VAMP4: variants seen among roughly 807,000 people sequenced by gnomAD.
VAMP4 encodes vesicle associated membrane protein 4.
A neutral mutation model predicts 23.5 loss-of-function variants in VAMP4; 19 were observed. The observed-to-expected ratio is 0.81, with a 90% CI of 0.56 to 1.19. VAMP4 has a LOEUF of 1.19. Among genes scored for constraint, VAMP4 ranks in the 50% most tolerant of loss-of-function variants. The pLI is 0.00. For synonymous variants in VAMP4, 31 were observed against 51.0 expected, an observed-to-expected ratio of 0.61 and a Z score of 1.67; for missense variants, 145 against 168.6, an observed-to-expected ratio of 0.86 and a Z score of 0.78.
At chr1:171,710,136 G>A (rs1162209805) in intron 5 of VAMP4, among the ~76,000 whole-genome samples, 1 of 150,816 alleles carries the variant, frequency 6.6e-6, no homozygotes, top group African/African-American at 2.4e-5. Flanking sequence ...GATATCAAAA[G>A]TGACTGATTT....
In VAMP4 at chr1:171,736,542, AG is replaced by A. The variant is rs556770397; in HGVS notation, c.66+1806del. ...TAAGCAGTTGAAATTATGGCAAAGAAGGAGTAACTGGATTTGGCAACATGGA... is the reference window on the plus strand; with the variant it reads ...TAAGCAGTTGAAATTATGGCAAAGAAGAGTAACTGGATTTGGCAACATGGA... On this transcript the variant is annotated intron_variant, in intron 2 of 7. Transcript: ENST00000236192. Among the ~76,000 whole-genome samples the A allele has an allele frequency of 4.3e-4, 66 of 152,372 alleles. No homozygotes were observed. In the Middle Eastern group the frequency reaches 0.017, roughly 39 times the overall value.
At position 171,700,849 on chromosome 1, in the gene VAMP4, C is replaced by G. The variant is rs1394447730; in HGVS notation, c.*3657G>C. 6.6e-6 allele frequency: 1 copy of G among 152,122 alleles called. No individual in the cohort carries two copies. Among genetic ancestry groups the G allele is most frequent in the Non-Finnish European group, 1.5e-5 (1 of 68,036 alleles). The allele number at this position is 152,122 out of a possible 1,614,324, so 9.4% of individuals were successfully genotyped here. ...CTTACTTTAACAAGCTTACATTTAT[C>G]CCCTGTAATTGGGTTGGTCATGCTT... On this transcript the variant is annotated 3_prime_UTR_variant, in exon 8 of 8. Transcript: ENST00000236192.
intron 4 of VAMP4, among the ~76,000 whole-genome samples, chr1:171,713,771 T>C (rs756555356): frequency 6.6e-6 from 1 of 151,964 alleles, no homozygotes; most frequent in Non-Finnish European, 1.5e-5. Context: ...GAGGTTAAGG[T>C]GCAGTGAACT....
Position 171,732,360 on chromosome 1 carries a change from GAAA to G in VAMP4, c.67-3793_67-3791del, listed in dbSNP as rs532876540. The stretch of plus-strand genomic sequence containing the variant: ...ACATAGCAAGACCGTGTCTCTATGG[GAAA>G]AAAAAAAAAAAAAAAAAAATTTAAT... On this transcript the variant is annotated intron_variant, in intron 2 of 7. Coordinates refer to ENST00000236192, the MANE Select transcript of VAMP4 (RefSeq NM_003762.5). 1.4e-3 allele frequency among the ~76,000 whole-genome samples: 174 copies of G among 123,530 alleles called. 1 individual carries two copies. Among genetic ancestry groups the G allele is most frequent in the Middle Eastern group, 4.0e-3 (1 of 252 alleles). The allele number at this position is 123,530 out of a possible 152,430, so 81.0% of individuals were successfully genotyped here.
At chr1:171,734,127 G>C (rs1407108811) in intron 2 of VAMP4, among the ~76,000 whole-genome samples, 3 of 151,972 alleles carry the variant, frequency 2.0e-5, no homozygotes, top group Non-Finnish European at 4.4e-5. Flanking sequence ...AATTAGCTGG[G>C]CGTGGTGGTG....
At chr1:171,719,576 T>A (rs1271032132) in intron 3 of VAMP4, among the ~76,000 whole-genome samples, 1 of 152,118 alleles carries the variant, frequency 6.6e-6, no homozygotes, top group Non-Finnish European at 1.5e-5. Context: ...AATATTAATA[T>A]CTTTATGGTC....
intron 4 of VAMP4, among the ~76,000 whole-genome samples, chr1:171,712,894 A>C (rs1282491019): frequency 1.3e-5 from 2 of 152,248 alleles, no homozygotes; most frequent in Non-Finnish European, 2.9e-5. Context: ...AATGCACTGT[A>C]TTAACCTTAT....
chr1:171,725,131 T>C (rs1421871952), intron 3 of VAMP4, among the ~76,000 whole-genome samples: 1 of 152,196 alleles, frequency 6.6e-6, no homozygotes, highest in Non-Finnish European at 1.5e-5. Context: ...TTTGTGTTTC[T>C]ATGAAATTGA....
At chr1:171,738,556 A>T in intron 1 of VAMP4, 93 bp from the exon 2 acceptor site, 5 of 750,842 alleles carry the variant, frequency 6.7e-6, no homozygotes, top group Non-Finnish European at 1.1e-5. Flanking sequence ...TATGACAGGG[A>T]CTCCCTCATT....
Position 171,710,826 on chromosome 1 carries a change from A to G in VAMP4, c.165-12T>C, listed in dbSNP as rs762574879. ...CTTGATTCTGAACACTAGTTTAAAA[A>G]AGATACACAATTATTTATCCTTCTT... On this transcript the variant is annotated splice_polypyrimidine_tract_variant and intron_variant, in intron 4 of 7. Transcript: ENST00000236192. The G allele has an allele frequency of 1.9e-6, 3 of 1,553,536 alleles. No homozygotes were observed. The highest frequency in any genetic ancestry group is 2.6e-6 in the Non-Finnish European group (3 of 1,137,628).
intron 3 of VAMP4, among the ~76,000 whole-genome samples, chr1:171,727,440 C>G (rs1655411045): frequency 6.6e-6 from 1 of 151,986 alleles, no homozygotes; most frequent in Non-Finnish European, 1.5e-5. Flanking sequence ...ACTAGAATGG[C>G]TAGAATGAAA....
chr1:171,732,360 GAAAAAAAA>G (rs532876540), intron 2 of VAMP4, among the ~76,000 whole-genome samples: 1 of 123,548 alleles, frequency 8.1e-6, no homozygotes, highest in African/African-American at 3.0e-5. Context: ...GTCTCTATGG[GAAAAAAAA>G]AAAAAAAAAA....
At chr1:171,738,598 T>TTCCA in intron 1 of VAMP4, 135 bp from the exon 2 acceptor site, 1 of 594,904 alleles carries the variant, frequency 1.7e-6, no homozygotes, top group Non-Finnish European at 2.9e-6. Flanking sequence ...CTCTCACTTG[T>TTCCA]TCCACTCCAG....
At chr1:171,719,265 T>C (rs1181874867) in intron 3 of VAMP4, 44 bp from the exon 4 acceptor site, 4 of 1,523,504 alleles carry the variant, frequency 2.6e-6, no homozygotes, top group Non-Finnish European at 3.6e-6. Flanking sequence ...AGTGACAGGA[T>C]TAAAACAAAA....
rs1312107777 is a variant in VAMP4 at position 171,704,347 on chromosome 1, A to T, written c.*159T>A. On this transcript the variant is annotated 3_prime_UTR_variant, in exon 8 of 8. Coordinates refer to ENST00000236192, the MANE Select transcript of VAMP4 (RefSeq NM_003762.5). ...CATTTTGTTAGAAAGGGAGAAGATA[A>T]TTGGACATTCTCAACGTTCCAATTT... 1 of 445,286 alleles carries T rather than the reference A, an allele frequency of 2.2e-6. No individual in the cohort carries two copies. Among genetic ancestry groups the T allele is most frequent in the Admixed American group, 4.5e-5 (1 of 22,424 alleles). The allele number at this position is 445,286 out of a possible 1,614,324, so 27.6% of individuals were successfully genotyped here. A position where few individuals can be genotyped will look rare whatever the true frequency, so the allele number is the denominator to read the frequency against.
intron 2 of VAMP4, among the ~76,000 whole-genome samples, chr1:171,733,079 C>A (rs1655612693): frequency 1.3e-5 from 2 of 151,936 alleles, no homozygotes; most frequent in African/African-American, 4.8e-5. Flanking sequence ...CAAGGAAATG[C>A]ATTAGGTCAT....
chr1:171,738,035 C>G (rs1394477744), intron 2 of VAMP4, among the ~76,000 whole-genome samples: 2 of 152,122 alleles, frequency 1.3e-5, no homozygotes, highest in Non-Finnish European at 2.9e-5. Flanking sequence ...GAGTGCAGAT[C>G]ACAGTTCACC....
At chr1:171,738,770 T>C (rs1655824515) in intron 1 of VAMP4, among the ~76,000 whole-genome samples, 1 of 152,252 alleles carries the variant, frequency 6.6e-6, no homozygotes, top group South Asian at 2.1e-4. Flanking sequence ...CACTGAGACA[T>C]TAAATGCTTT....
intron 3 of VAMP4, among the ~76,000 whole-genome samples, chr1:171,722,476 G>A (rs574600135): frequency 2.7e-4 from 41 of 152,254 alleles, no homozygotes; most frequent in Middle Eastern, 6.8e-3. Context: ...GCAACCTACA[G>A]AATGGGAGAA....
Sources: gnomAD v4.1 joint callset for allele counts (sites outside exome capture counted in the v4.1 genomes callset) on GRCh38, gnomAD v4.1.1 for gene constraint, MANE v1.5 for transcripts, NCBI Gene and HGNC (gene_info 2026-07-23, HGNC 2026-07-21) for gene names.